TP63: variants seen among roughly 807,000 people sequenced by gnomAD.
TP63 encodes tumor protein p63, also known as tumor protein 63.
Under a neutral mutation model 82.8 loss-of-function variants are expected in TP63, and 17 were observed. The observed-to-expected ratio is 0.21, with a 90% confidence interval of 0.14 to 0.31. TP63 has a LOEUF of 0.31. Ranked by LOEUF, TP63 falls within the 10% of genes least tolerant of loss-of-function variation. The pLI, the probability that TP63 is intolerant of heterozygous loss-of-function variation, is 1.00. For synonymous variants in TP63, 330 were observed against 321.7 expected (o/e 1.03, Z -0.28); for missense variants, 648 against 895.3 (o/e 0.72, Z 3.52).
Position 189,894,725 on chromosome 3 carries a change from T to C in TP63, c.*223T>C. ...AAACTATAGCTTGCAGAACTGTAGC[T>C]GCCATGGCTAGGTAGAAGTGAGCAA... is the stretch of plus-strand genomic sequence containing the variant. On this transcript the variant is annotated 3_prime_UTR_variant, in exon 14 of 14. Coordinates refer to ENST00000264731, the MANE Select transcript of TP63 (RefSeq NM_003722.5). The C allele has an allele frequency of 1.7e-6, 1 of 588,676 alleles. No individual in the cohort carries two copies. The highest frequency in any genetic ancestry group is 2.1e-5 in the South Asian group (1 of 47,944). The allele number at this position is 588,676 out of a possible 1,614,324, so 36.5% of individuals were successfully genotyped here. A position where few individuals can be genotyped will look rare whatever the true frequency, so the allele number is the denominator to read the frequency against.
intron 4 of TP63, among the ~76,000 whole-genome samples, chr3:189,862,503 A>T (rs1717164304): frequency 6.6e-6 from 1 of 152,108 alleles, no homozygotes; most frequent in Admixed American, 6.6e-5. Context: ...TGAACACTTA[A>T]CCTTCATTTC....
chr3:189,800,286 C>T (rs977167533), intron 3 of TP63, among the ~76,000 whole-genome samples: 3 of 151,908 alleles, frequency 2.0e-5, no homozygotes, highest in South Asian at 2.1e-4. Flanking sequence ...TCACAGGCCA[C>T]GTTAAAGACC....
At chr3:189,733,105 C>G (rs1262174627) in intron 1 of TP63, among the ~76,000 whole-genome samples, 2 of 151,878 alleles carry the variant, frequency 1.3e-5, no homozygotes, top group Admixed American at 6.6e-5. Flanking sequence ...ATTATGGTGA[C>G]ATTAGAAATA....
the TP63 span, among the ~76,000 whole-genome samples, chr3:189,614,959 G>C: frequency 0.036 from 5,440 of 152,254 alleles, 131 homozygotes; most frequent in Middle Eastern, 0.054. Flanking sequence ...AAAGTAGGGT[G>C]AGGTCCTGGC....
intron 1 of TP63, among the ~76,000 whole-genome samples, chr3:189,671,599 G>A (rs1313275543): frequency 6.6e-6 from 1 of 152,008 alleles, no homozygotes; most frequent in African/African-American, 2.4e-5. Flanking sequence ...TATATTTATT[G>A]CAGATCTATT....
chr3:189,709,116 T>C (rs1718410594), intron 1 of TP63, among the ~76,000 whole-genome samples: 1 of 152,220 alleles, frequency 6.6e-6, no homozygotes. Context: ...ATTTTTCTTG[T>C]ACATCATGAA....
At chr3:189,795,190 G>A (rs1725570186) in intron 3 of TP63, among the ~76,000 whole-genome samples, 1 of 152,052 alleles carries the variant, frequency 6.6e-6, no homozygotes, top group Non-Finnish European at 1.5e-5. Context: ...CTGTAAGCCA[G>A]ACACAATGAT....
intron 12 of TP63, 108 bp from the exon 13 acceptor site, chr3:189,890,680 TG>T: frequency 1.2e-6 from 1 of 847,218 alleles, no homozygotes; most frequent in Non-Finnish European, 2.0e-6. Context: ...ATCTCTGATG[TG>T]GGGCATCCAA....
intron 1 of TP63, among the ~76,000 whole-genome samples, chr3:189,734,251 C>T (rs1720407909): frequency 1.3e-5 from 2 of 149,180 alleles, no homozygotes; most frequent in Non-Finnish European, 3.0e-5. Flanking sequence ...GGCACACTGC[C>T]ACCTCTGCCT....
the TP63 span, among the ~76,000 whole-genome samples, chr3:189,600,783 G>A: frequency 6.6e-6 from 1 of 152,108 alleles, no homozygotes; most frequent in African/African-American, 2.4e-5. Flanking sequence ...TTGCAAAAAG[G>A]CATCTAAAGA....
chr3:189,892,237 TC>T (rs1219113804), intron 13 of TP63, among the ~76,000 whole-genome samples: 12 of 152,202 alleles, frequency 7.9e-5, no homozygotes, highest in African/African-American at 2.9e-4. Flanking sequence ...AGTTATACTT[TC>T]CACTTGCTCA....
At chr3:189,816,365 A>G (rs529078565) in intron 4 of TP63, among the ~76,000 whole-genome samples, 1 of 152,294 alleles carries the variant, frequency 6.6e-6, no homozygotes, top group Admixed American at 6.5e-5. Flanking sequence ...GTACATTTCC[A>G]TACATGAGCT....
chr3:189,837,083 C>T (rs1021712246), intron 4 of TP63, among the ~76,000 whole-genome samples: 2 of 152,024 alleles, frequency 1.3e-5, no homozygotes, highest in African/African-American at 2.4e-5. Context: ...TCACGGTGTA[C>T]GATGCTTCCA....
At chr3:189,800,371 A>G (rs1012510781) in intron 3 of TP63, among the ~76,000 whole-genome samples, 1 of 151,868 alleles carries the variant, frequency 6.6e-6, no homozygotes, top group Admixed American at 6.6e-5. Context: ...CAGATTTGCA[A>G]TGCCTTTCAA....
At chr3:189,723,201 CCTT>C (rs1168703530) in intron 1 of TP63, among the ~76,000 whole-genome samples, 1 of 152,172 alleles carries the variant, frequency 6.6e-6, no homozygotes, top group Non-Finnish European at 1.5e-5. Flanking sequence ...ACTGGATTCT[CCTT>C]CTCACCATTA....
intron 3 of TP63, among the ~76,000 whole-genome samples, chr3:189,754,205 A>G (rs1182907443): frequency 1.3e-5 from 2 of 152,240 alleles, no homozygotes; most frequent in East Asian, 3.9e-4. Flanking sequence ...ACCATAAACC[A>G]GGTCAAAGCT....
chr3:189,813,312 A>G (rs914903276), intron 4 of TP63, among the ~76,000 whole-genome samples: 1 of 152,240 alleles, frequency 6.6e-6, no homozygotes, highest in Admixed American at 6.5e-5. Flanking sequence ...GCCATTAGAA[A>G]GAATTCTCTG....
chr3:189,860,676 A>C (rs1028854756), intron 4 of TP63, among the ~76,000 whole-genome samples: 7 of 152,220 alleles, frequency 4.6e-5, no homozygotes, highest in African/African-American at 1.7e-4. Context: ...TCAAATATGA[A>C]GCCCTCACCA....
rs886058236 is a variant in TP63, at chr3:189,896,511, T to C, written c.*2009T>C. 53 of 208,032 alleles carry C rather than the reference T, an allele frequency of 2.5e-4. No homozygotes were observed. Among genetic ancestry groups the C allele is most frequent in the Non-Finnish European group, 8.8e-5 (9 of 102,108 alleles). 12.9% of individuals were successfully genotyped at this position (208,032 alleles called of 1,614,324 possible). On this transcript the variant is annotated 3_prime_UTR_variant, in exon 14 of 14. Coordinates refer to ENST00000264731, the MANE Select transcript of TP63 (RefSeq NM_003722.5). ...AGTCCTTGATTTCAAAGTTTTGTTG[T>C]ACTTAAATGGTAATAAGCACTGTAA...
Sources: allele counts gnomAD v4.1 joint callset (sites outside exome capture counted in the v4.1 genomes callset), GRCh38; gene constraint gnomAD v4.1.1; transcripts MANE v1.5; gene names NCBI Gene and HGNC (gene_info 2026-07-23, HGNC 2026-07-21).